Variants in PRKD1 observed in about 807,000 individuals in gnomAD.
PRKD1 encodes protein kinase D1.
A neutral mutation model predicts 95.9 loss-of-function variants in PRKD1; 63 were observed. The observed-to-expected ratio is 0.66, with a 90% CI of 0.54 to 0.81. PRKD1 has a LOEUF of 0.81. PRKD1 is among the 30% of genes least tolerant of loss of function. The pLI is 0.00. For synonymous variants in PRKD1, 425 were observed against 423.1 expected (o/e 1.00, Z -0.05); for missense variants, 1,048 against 1,165.3 (o/e 0.90, Z 1.47).
In PRKD1 at chr14:29,803,959, C is replaced by A. The variant is rs780611666; in HGVS notation, c.265-78285G>T. On this transcript the variant is annotated intron_variant, in intron 1 of 17. Coordinates refer to ENST00000331968, the MANE Select transcript of PRKD1 (RefSeq NM_002742.3). ...AACCACCCATAAAAACAAATGTATGCGGCCGGGTGCAGTGGCTCACACCTG... is the reference window on the plus strand; with the variant it reads ...AACCACCCATAAAAACAAATGTATGAGGCCGGGTGCAGTGGCTCACACCTG... Among the ~76,000 whole-genome samples the A allele has an allele frequency of 4.6e-5, 7 of 151,984 alleles. No homozygotes were observed. In the East Asian group the frequency reaches 1.4e-3, roughly 30 times the overall value.
chr14:29,893,047 G>A (rs1893994459), intron 1 of PRKD1, among the ~76,000 whole-genome samples: 1 of 152,072 alleles, frequency 6.6e-6, no homozygotes, highest in African/African-American at 2.4e-5. Flanking sequence ...ACTTTCTTCT[G>A]AAATGGCTAG....
intron 1 of PRKD1, among the ~76,000 whole-genome samples, chr14:29,908,532 G>A (rs547224637): frequency 2.6e-5 from 4 of 152,188 alleles, no homozygotes; most frequent in East Asian, 1.9e-4. Context: ...TGATCCGCCC[G>A]CCTCAGCCTC....
chr14:29,839,457 G>A (rs1486802968), intron 1 of PRKD1, among the ~76,000 whole-genome samples: 1 of 152,186 alleles, frequency 6.6e-6, no homozygotes, highest in Non-Finnish European at 1.5e-5. Context: ...CCTGCCAAAG[G>A]CAAAGTTCAT....
intron 1 of PRKD1, among the ~76,000 whole-genome samples, chr14:29,760,277 A>C (rs1405620342): frequency 6.6e-6 from 1 of 151,918 alleles, no homozygotes; most frequent in Non-Finnish European, 1.5e-5. Flanking sequence ...CCACTGGTTC[A>C]TTAAAACAGC....
intron 1 of PRKD1, among the ~76,000 whole-genome samples, chr14:29,732,420 C>T (rs756381030): frequency 1.1e-4 from 16 of 151,932 alleles, no homozygotes; most frequent in Non-Finnish European, 1.6e-4. Context: ...CCTCTTCCTG[C>T]CTTTATGCTA....
intron 1 of PRKD1, among the ~76,000 whole-genome samples, chr14:29,911,200 A>C: frequency 6.6e-6 from 1 of 152,208 alleles, no homozygotes; most frequent in Non-Finnish European, 1.5e-5. Flanking sequence ...CAAGCAGGTG[A>C]TTGAAGTATT....
chr14:29,794,500 T>C (rs1889722144), intron 1 of PRKD1, among the ~76,000 whole-genome samples: 1 of 152,048 alleles, frequency 6.6e-6, no homozygotes, highest in Non-Finnish European at 1.5e-5. Flanking sequence ...ATTTACTTAT[T>C]TATTTAAAAC....
chr14:29,631,544 C>T lies in PRKD1; in HGVS notation c.1393-523G>A, dbSNP rs542718994. Among the ~76,000 whole-genome samples the T allele has an allele frequency of 8.6e-5, 13 of 150,482 alleles. No individual in the cohort carries two copies. In the South Asian group the frequency reaches 2.1e-3, roughly 24 times the overall value. On this transcript the variant is annotated intron_variant, in intron 9 of 17. Coordinates refer to ENST00000331968, the MANE Select transcript of PRKD1 (RefSeq NM_002742.3). ...AGAAAGAATCTTGCTCCGTCACCTA[C>T]GCTGGAGTGCAGTGGCGTGATCTCG...
chr14:29,914,213 T>A (rs531236312), intron 1 of PRKD1, among the ~76,000 whole-genome samples: 1 of 152,330 alleles, frequency 6.6e-6, no homozygotes, highest in African/African-American at 2.4e-5. Context: ...CGTGTTGGCA[T>A]TAGCCCTGGA....
intron 1 of PRKD1, among the ~76,000 whole-genome samples, chr14:29,733,364 T>G (rs1886551623): frequency 6.6e-6 from 1 of 152,114 alleles, no homozygotes; most frequent in South Asian, 2.1e-4. Flanking sequence ...GGCCTCCAAG[T>G]GCTGGGATTA....
chr14:29,609,506 G>GCACA (rs150570301), intron 13 of PRKD1, among the ~76,000 whole-genome samples: 71,376 of 127,090 alleles, frequency 0.56, 22,813 homozygotes, highest in Non-Finnish European at 0.71. Context: ...GTGTGTGCGT[G>GCACA]CACACACACA....
At chr14:29,648,092 A>G (rs542620310) in intron 4 of PRKD1, among the ~76,000 whole-genome samples, 86 of 152,348 alleles carry the variant, frequency 5.6e-4, no homozygotes, top group African/African-American at 1.3e-3. Flanking sequence ...GGAAAGAGAT[A>G]AGGTTAATTA....
chr14:29,876,071 C>T (rs1024153238), intron 1 of PRKD1, among the ~76,000 whole-genome samples: 3 of 152,162 alleles, frequency 2.0e-5, no homozygotes, highest in Admixed American at 6.5e-5. Flanking sequence ...TCTCAGAAAA[C>T]TCAAATCTTT....
At chr14:29,700,988 G>GCGCGCGCACA (rs140824053) in intron 2 of PRKD1, among the ~76,000 whole-genome samples, 12 of 90,598 alleles carry the variant, frequency 1.3e-4, no homozygotes, top group African/African-American at 3.9e-4. Context: ...GCGCGCGCGC[G>GCGCGCGCACA]CACACACACA....
At chr14:29,611,766 G>C (rs1359191343) in intron 13 of PRKD1, among the ~76,000 whole-genome samples, 2 of 121,772 alleles carry the variant, frequency 1.6e-5, no homozygotes, top group Non-Finnish European at 3.6e-5. Flanking sequence ...AAAAACAAAC[G>C]CTGGAATCTA....
chr14:29,676,056 C>T (rs923466471), intron 2 of PRKD1, among the ~76,000 whole-genome samples: 1 of 151,520 alleles, frequency 6.6e-6, no homozygotes, highest in Admixed American at 6.6e-5. Flanking sequence ...TGCAGCACAC[C>T]AACATGGCAT....
intron 10 of PRKD1, among the ~76,000 whole-genome samples, chr14:29,630,194 C>T (rs138426601): frequency 6.6e-6 from 1 of 152,234 alleles, no homozygotes; most frequent in East Asian, 1.9e-4. Context: ...GGCAGGAATG[C>T]AGTGGCTTGA....
intron 16 of PRKD1, among the ~76,000 whole-genome samples, chr14:29,587,043 A>T (rs749962864): frequency 6.6e-6 from 1 of 152,212 alleles, no homozygotes; most frequent in African/African-American, 2.4e-5. Context: ...AGGGTGAAGA[A>T]AAAACTGACT....
At chr14:29,769,875 C>A (rs1030834191) in intron 1 of PRKD1, among the ~76,000 whole-genome samples, 1 of 152,132 alleles carries the variant, frequency 6.6e-6, no homozygotes, top group Non-Finnish European at 1.5e-5. Flanking sequence ...ATACATTATA[C>A]CTGCTATGAT....
Sources: gnomAD v4.1 joint callset for allele counts (sites outside exome capture counted in the v4.1 genomes callset) on GRCh38, gnomAD v4.1.1 for gene constraint, MANE v1.5 for transcripts, NCBI Gene and HGNC (gene_info 2026-07-23, HGNC 2026-07-21) for gene names.